Variants in ECM2 observed in about 807,000 individuals in gnomAD.
ECM2 encodes the protein extracellular matrix protein 2, female organ and adipocyte specific.
ECM2 carries 57 observed loss-of-function variants against 67.5 expected under a neutral mutation model. That is an observed-to-expected ratio of 0.84 (90% CI 0.68 to 1.05). ECM2 has a LOEUF of 1.05. Among genes scored for constraint, ECM2 ranks in the 50% least tolerant of loss-of-function variants. The pLI is 0.00. For synonymous variants in ECM2, 258 were observed against 294.5 expected (o/e 0.88, Z 1.27); for missense variants, 741 against 822.8 (o/e 0.90, Z 1.22).
intron 3 of ECM2, among the ~76,000 whole-genome samples, chr9:92,516,095 G>A (rs1231139208): frequency 6.8e-6 from 1 of 147,544 alleles, no homozygotes; most frequent in Non-Finnish European, 1.5e-5. Flanking sequence ...ACGGAGTCTT[G>A]CTCTGTCGCC....
At position 92,517,723 on chromosome 9, in the gene ECM2, G is replaced by A; in HGVS notation, c.445C>T (p.Pro149Ser). The A allele has an allele frequency of 6.2e-7, 1 of 1,614,094 alleles. No homozygotes were observed. The highest frequency in any genetic ancestry group is 8.5e-7 in the Non-Finnish European group (1 of 1,180,018). The change falls in exon 3 of 10, where the codon CCT becomes TCT. Residue 149 changes from proline to serine, a missense_variant. Pro to Ser is a moderately conservative substitution (Grantham distance 74, BLOSUM62 -1). Transcript: ENST00000344604. ...HPQRCPQTVI[P>S]EGECCPVCSA... is the part of the protein sequence containing the mutation. ...CAGACCGGGCAGCATTCCCCTTCAG[G>A]TATAACTGTTTGGGGGCACCTCTGG... is the stretch of plus-strand genomic sequence containing the variant.
chr9:92,529,090 A>T (rs1848588225), intron 1 of ECM2, among the ~76,000 whole-genome samples: 1 of 152,238 alleles, frequency 6.6e-6, no homozygotes, highest in African/African-American at 2.4e-5. Flanking sequence ...AAAATACATG[A>T]CAAGGGATGA....
At chr9:92,536,037 G>T (rs1456481260), upstream of ECM2, 3 of 504,282 alleles carry the variant, frequency 5.9e-6, no homozygotes, top group Non-Finnish European at 1.2e-5. Context: ...GGACAGAAGG[G>T]AATGTTGAAA....
chr9:92,557,885 C>A, the ECM2 span, among the ~76,000 whole-genome samples: 6 of 152,136 alleles, frequency 3.9e-5, no homozygotes, highest in Non-Finnish European at 8.8e-5. Flanking sequence ...CCTTGTGATC[C>A]ACCCACCTAG....
chr9:92,505,284 C>A (rs1470292590), intron 7 of ECM2, among the ~76,000 whole-genome samples: 1 of 152,138 alleles, frequency 6.6e-6, no homozygotes, highest in Non-Finnish European at 1.5e-5. Context: ...ATTCATTTCT[C>A]CCATTTCCCC....
chr9:92,551,975 ATG>A, the ECM2 span, among the ~76,000 whole-genome samples: 19 of 61,462 alleles, frequency 3.1e-4, no homozygotes, highest in East Asian at 4.8e-4. Context: ...TGTGATATAT[ATG>A]TGTGTGTATA....
intron 1 of ECM2, among the ~76,000 whole-genome samples, chr9:92,534,501 T>C (rs961677522): frequency 6.6e-6 from 1 of 152,338 alleles, no homozygotes; most frequent in South Asian, 2.1e-4. Flanking sequence ...GCCACAGTCA[T>C]TTGAAAACCA....
chr9:92,504,763 T>C (rs1256933284), intron 7 of ECM2, among the ~76,000 whole-genome samples: 4 of 152,100 alleles, frequency 2.6e-5, no homozygotes, highest in Non-Finnish European at 4.4e-5. Context: ...ACTCTCAAAC[T>C]CCTGGCCTCA....
chr9:92,495,921 T>C lies in ECM2; in HGVS notation c.*394A>G, dbSNP rs974292119. On this transcript the variant is annotated 3_prime_UTR_variant, in exon 10 of 10. Coordinates refer to ENST00000344604, the MANE Select transcript of ECM2 (RefSeq NM_001393.4). ...CTGCCTGCTTTTTTTGTTGTCATTA[T>C]GCTTCTTAATCTTGAACCAAAAGAT... is the stretch of plus-strand genomic sequence containing the variant. The C allele has an allele frequency of 1.5e-4, 148 of 985,440 alleles. No individual in the cohort carries two copies. Among genetic ancestry groups the C allele is most frequent in the Non-Finnish European group, 1.7e-4 (141 of 829,918 alleles). 61.0% of individuals were successfully genotyped at this position (985,440 alleles called of 1,614,324 possible).
At chr9:92,547,962 G>GA in the ECM2 span, among the ~76,000 whole-genome samples, 2 of 152,012 alleles carry the variant, frequency 1.3e-5, no homozygotes, top group African/African-American at 4.8e-5. Context: ...TTTCTTATGG[G>GA]AAAAAAGAAG....
In ECM2 at chr9:92,517,729, C is replaced by G; in HGVS notation, c.439G>C (p.Val147Leu). 6.2e-7 allele frequency: 1 copy of G among 1,614,172 alleles called. No individual in the cohort carries two copies. The highest frequency in any genetic ancestry group is 1.1e-5 in the South Asian group (1 of 91,072). The change falls in exon 3 of 10, where the codon GTT becomes CTT. Residue 147 changes from valine (V) to leucine (L), a missense_variant. Transcript: ENST00000344604. ...GGGCAGCATTCCCCTTCAGGTATAA[C>G]TGTTTGGGGGCACCTCTGGGGATGG... is the stretch of plus-strand genomic sequence containing the variant. ...MCHPQRCPQT[V>L]IPEGECCPVC...
chr9:92,519,096 C>A (rs1253384753), intron 2 of ECM2, among the ~76,000 whole-genome samples: 1 of 152,112 alleles, frequency 6.6e-6, no homozygotes, highest in Admixed American at 6.5e-5. Context: ...GTTCCACCCC[C>A]AAATGAGCCT....
chr9:92,512,224 G>T, intron 4 of ECM2, 98 bp from the exon 5 acceptor site: 1 of 672,048 alleles, frequency 1.5e-6, no homozygotes, highest in Non-Finnish European at 2.5e-6. Flanking sequence ...AGAGAGCTTT[G>T]TCTGGAGGAG....
At chr9:92,552,066 TATGATAGATCTATCATATATGTGA>T in the ECM2 span, among the ~76,000 whole-genome samples, 3 of 132,746 alleles carry the variant, frequency 2.3e-5, no homozygotes, top group African/African-American at 3.2e-5. Flanking sequence ...ATATATGTGA[TATGATAGATCTATCATATATGTGA>T]TATGATAGAT....
chr9:92,500,873 A>T lies in ECM2; in HGVS notation c.1785T>A (p.Asp595Glu), dbSNP rs141859598. ...YLYLSFNKLA[D>E]DGMDRVSFYG... ...AGAAGGAGACACGGTCCATGCCATC[A>T]TCAGCAAGTTTGTTAAATGACAGGT... The change falls in exon 9 of 10, where the codon GAT becomes GAA. Residue 595 changes from aspartate (D) to glutamate (E), a missense_variant. Physicochemically the swap from Asp to Glu is conservative, Grantham distance 45. Coordinates refer to ENST00000344604, the MANE Select transcript of ECM2 (RefSeq NM_001393.4). 110 of 1,614,116 alleles carry T rather than the reference A, an allele frequency of 6.8e-5. No individual in the cohort carries two copies. Among genetic ancestry groups the T allele is most frequent in the Non-Finnish European group, 8.6e-5 (102 of 1,180,048 alleles).
At chr9:92,534,259 C>T (rs951171983) in intron 1 of ECM2, among the ~76,000 whole-genome samples, 1 of 152,118 alleles carries the variant, frequency 6.6e-6, no homozygotes, top group African/African-American at 2.4e-5. Context: ...TGTATTATTT[C>T]AAGGGAGTTG....
At position 92,495,715 on chromosome 9, in the gene ECM2, T is replaced by G. The variant is rs41278705; in HGVS notation, c.*600A>C. The G allele has an allele frequency of 2.2e-6, 2 of 912,780 alleles. No individual in the cohort carries two copies. Among genetic ancestry groups the G allele is most frequent in the African/African-American group, 3.6e-5 (2 of 55,594 alleles). 56.5% of individuals were successfully genotyped at this position (912,780 alleles called of 1,614,324 possible). A position where few individuals can be genotyped will look rare whatever the true frequency, so the allele number is the denominator to read the frequency against. ...GTTAACAATGTACATAACCATAATATGATTTTCAAAACCAGGAAATTAACA... is the reference window on the plus strand; with the variant it reads ...GTTAACAATGTACATAACCATAATAGGATTTTCAAAACCAGGAAATTAACA... On this transcript the variant is annotated 3_prime_UTR_variant, in exon 10 of 10. Transcript: ENST00000344604.
At chr9:92,551,789 T>C in the ECM2 span, among the ~76,000 whole-genome samples, 2 of 151,886 alleles carry the variant, frequency 1.3e-5, no homozygotes, top group Non-Finnish European at 2.9e-5. Flanking sequence ...TTTCCATTCC[T>C]GAGTAACTTC....
the ECM2 span, among the ~76,000 whole-genome samples, chr9:92,555,430 T>C: frequency 6.6e-6 from 1 of 151,710 alleles, no homozygotes; most frequent in Admixed American, 6.6e-5. Flanking sequence ...GATTTCACCA[T>C]GTTAGCCAGG....
Sources: allele counts gnomAD v4.1 joint callset (sites outside exome capture counted in the v4.1 genomes callset), GRCh38; gene constraint gnomAD v4.1.1; transcripts MANE v1.5; gene names NCBI Gene and HGNC (gene_info 2026-07-23, HGNC 2026-07-21).